HERC3: variants seen among roughly 807,000 people sequenced by gnomAD.
HERC3 encodes the protein probable E3 ubiquitin-protein ligase HERC3.
HERC3 carries 58 observed loss-of-function variants against 129.9 expected under a neutral mutation model. The observed-to-expected ratio is 0.45, with a 90% CI of 0.36 to 0.56. The LOEUF is 0.56. HERC3 is among the 20% of genes least tolerant of loss of function. The pLI is 0.00. For missense variants in HERC3, 835 were observed against 1,244.2 expected (o/e 0.67, Z 4.95); for synonymous variants, 430 against 451.0 (o/e 0.95, Z 0.59).
chr4:88,571,067 A>C, the HERC3 span, among the ~76,000 whole-genome samples: 2 of 151,668 alleles, frequency 1.3e-5, no homozygotes, highest in Admixed American at 1.3e-4. Context: ...CTCCTATTTT[A>C]CTTTTTTAGA....
chr4:88,579,232 A>AAAAAAAAATATATATATATATATATAT, the HERC3 span, among the ~76,000 whole-genome samples: 3 of 104,074 alleles, frequency 2.9e-5, no homozygotes, highest in African/African-American at 1.8e-4. Flanking sequence ...AAAAAAAAAA[A>AAAAAAAAATATATATATATATATATAT]ATATATATAT....
the HERC3 span, among the ~76,000 whole-genome samples, chr4:88,579,832 T>A: frequency 6.6e-6 from 1 of 152,156 alleles, no homozygotes; most frequent in South Asian, 2.1e-4. Flanking sequence ...GGTCTTTACA[T>A]GAAAGAATCA....
intron 23 of HERC3, chr4:88,690,597 G>A: frequency 3.0e-6 from 3 of 985,378 alleles, no homozygotes; most frequent in Non-Finnish European, 3.6e-6. Context: ...ATGATACAGT[G>A]GCTGGGGAAA....
intron 3 of HERC3, among the ~76,000 whole-genome samples, chr4:88,632,455 A>G (rs147291196): frequency 4.6e-5 from 7 of 152,366 alleles, no homozygotes; most frequent in East Asian, 1.9e-4. Flanking sequence ...ATGGATGCCA[A>G]TGTGGGATAA....
intron 3 of HERC3, among the ~76,000 whole-genome samples, chr4:88,613,240 G>A (rs1447842321): frequency 6.6e-6 from 1 of 152,188 alleles, no homozygotes; most frequent in Non-Finnish European, 1.5e-5. Context: ...TCTTCTTATA[G>A]CAGAGCCCAA....
chr4:88,552,392 A>G, the HERC3 span, among the ~76,000 whole-genome samples: 1 of 152,158 alleles, frequency 6.6e-6, no homozygotes, highest in Non-Finnish European at 1.5e-5. Flanking sequence ...AGCTGAGATT[A>G]CAGGCACGTG....
chr4:88,531,329 C>T, the HERC3 span, among the ~76,000 whole-genome samples: 6 of 152,044 alleles, frequency 3.9e-5, no homozygotes, highest in African/African-American at 4.8e-5. Flanking sequence ...CATGAGCCAC[C>T]GTGCACAGCC....
intron 21 of HERC3, chr4:88,684,964 C>G (rs1733247522): frequency 6.6e-6 from 1 of 152,286 alleles, no homozygotes; most frequent in Admixed American, 6.5e-5. Context: ...CAAAAGAAGA[C>G]ATTTATGTGG....
rs1735846055 is a variant in HERC3 at position 88,707,051 on chromosome 4, T to C, written c.*91T>C. ...ATCATGGGGAGTGATTTCTATTTTT[T>C]TATTGTCTAAGTGGGTTGGGACTTT... On this transcript the variant is annotated 3_prime_UTR_variant, in exon 26 of 26. Transcript: ENST00000402738. 1 of 1,032,804 alleles carries C rather than the reference T, an allele frequency of 9.7e-7. No individual in the cohort carries two copies. The highest frequency in any genetic ancestry group is 1.5e-5 in the South Asian group (1 of 68,304). The allele number at this position is 1,032,804 out of a possible 1,614,324, so 64.0% of individuals were successfully genotyped here.
At chr4:88,685,940 G>A (rs1404212705) in intron 21 of HERC3, among the ~76,000 whole-genome samples, 1 of 152,072 alleles carries the variant, frequency 6.6e-6, no homozygotes, top group African/African-American at 2.4e-5. Flanking sequence ...TTAGGAAGAA[G>A]GTGAACAACT....
chr4:88,635,600 C>T (rs973495716), intron 3 of HERC3, among the ~76,000 whole-genome samples: 18 of 152,116 alleles, frequency 1.2e-4, no homozygotes, highest in African/African-American at 4.3e-4. Flanking sequence ...TCCAGGAGAA[C>T]TTTCCTAACC....
intron 12 of HERC3, among the ~76,000 whole-genome samples, chr4:88,666,265 G>A (rs889390871): frequency 3.9e-5 from 6 of 152,054 alleles, no homozygotes; most frequent in Non-Finnish European, 7.4e-5. Context: ...CTCCTGTAGC[G>A]TACATAGGAT....
At chr4:88,525,291 T>A in the HERC3 span, among the ~76,000 whole-genome samples, 10 of 152,158 alleles carry the variant, frequency 6.6e-5, no homozygotes, top group African/African-American at 2.4e-4. Flanking sequence ...TACTGTAAAG[T>A]TCCTATGTCA....
chr4:88,565,076 A>G, the HERC3 span, among the ~76,000 whole-genome samples: 2 of 152,106 alleles, frequency 1.3e-5, no homozygotes, highest in Admixed American at 1.3e-4. Context: ...GTATTAGTCC[A>G]TTGTGATCAG....
intron 23 of HERC3, among the ~76,000 whole-genome samples, chr4:88,692,248 G>C (rs2149332752): frequency 6.7e-6 from 1 of 149,400 alleles, no homozygotes; most frequent in Middle Eastern, 3.5e-3. Flanking sequence ...TGTCATTCTA[G>C]ATTCCCTAAA....
At chr4:88,545,313 T>C in the HERC3 span, among the ~76,000 whole-genome samples, 2 of 152,168 alleles carry the variant, frequency 1.3e-5, no homozygotes, top group Non-Finnish European at 2.9e-5. Context: ...AAATTTTTGG[T>C]TATTCTACCA....
rs1178993854 is a variant in HERC3 at position 88,662,589 on chromosome 4, C to T, written c.1271+34C>T. On this transcript the variant is annotated intron_variant, in intron 11 of 25. Coordinates refer to ENST00000402738, the MANE Select transcript of HERC3 (RefSeq NM_014606.3). Reference sequence around the variant, plus strand: ...CTGCTTGTCTTCATTTTTTTTTCCACAAAGTATGTTACAACTTTTTAGCTT... The same window carrying T: ...CTGCTTGTCTTCATTTTTTTTTCCATAAAGTATGTTACAACTTTTTAGCTT... 3.8e-6 allele frequency: 6 copies of T among 1,587,764 alleles called. No homozygotes were observed. The Admixed American group carries it at 5.5e-5, about 15-fold the overall frequency.
the HERC3 span, among the ~76,000 whole-genome samples, chr4:88,579,280 G>A: frequency 7.7e-3 from 1,159 of 150,782 alleles, 7 homozygotes; most frequent in Non-Finnish European, 0.013. Flanking sequence ...GGTGGCACAT[G>A]CCTGTAATCC....
chr4:88,676,584 C>G (rs1326790095), intron 18 of HERC3, among the ~76,000 whole-genome samples, 161 bp downstream of exon 18: 1 of 152,176 alleles, frequency 6.6e-6, no homozygotes, highest in African/African-American at 2.4e-5. Flanking sequence ...TTGAATATAA[C>G]ACACATAGGT....
Sources: gnomAD v4.1 joint callset for allele counts (sites outside exome capture counted in the v4.1 genomes callset) on GRCh38, gnomAD v4.1.1 for gene constraint, MANE v1.5 for transcripts, NCBI Gene and HGNC (gene_info 2026-07-23, HGNC 2026-07-21) for gene names.